The following FBXO42 variants were observed in gnomAD, a reference collection of about 807,000 sequenced individuals.
FBXO42 encodes F-box protein 42.
In FBXO42, 12 loss-of-function variants were observed where a neutral mutation model predicts 71.7. The ratio of observed to expected loss-of-function variants is 0.17; its 90% confidence interval spans 0.11 to 0.27. The LOEUF is 0.27. Among genes scored for constraint, FBXO42 ranks in the 10% least tolerant of loss-of-function variants. FBXO42 has a pLI of 1.00. For synonymous variants in FBXO42, 325 were observed against 327.5 expected (o/e 0.99, Z 0.08); for missense variants, 707 against 911.9 (o/e 0.78, Z 2.89).
chr1:16,315,150 T>G lies in FBXO42; in HGVS notation c.250+19A>C, dbSNP rs749703006. 1.0e-5 allele frequency: 16 copies of G among 1,574,832 alleles called. 1 individual carries two copies. Among genetic ancestry groups the G allele is most frequent in the South Asian group, 9.3e-5 (8 of 85,690 alleles). On this transcript the variant is annotated intron_variant, in intron 2 of 9. Transcript: ENST00000375592. ...GAAATTTGAAATCAATAAATAAACC[T>G]TTCTCCTATCCACAGTACCTTTGAT...
At chr1:16,280,252 T>C (rs138756139) in intron 4 of FBXO42, among the ~76,000 whole-genome samples, 1 of 152,158 alleles carries the variant, frequency 6.6e-6, no homozygotes, top group Non-Finnish European at 1.5e-5. Flanking sequence ...AACATCCAAG[T>C]TGAAGAGTGG....
intron 1 of FBXO42, among the ~76,000 whole-genome samples, chr1:16,350,471 G>A (rs2082688061): frequency 6.6e-6 from 1 of 150,906 alleles, no homozygotes; most frequent in Non-Finnish European, 1.5e-5. Flanking sequence ...AGGAGGCTGG[G>A]CACGGTGGCT....
chr1:16,315,185 C>T lies in FBXO42; in HGVS notation c.234G>A (p.Trp78Ter), dbSNP rs760838748. The change falls in exon 2 of 10, where the codon TGG becomes TGA. Residue 78 changes from tryptophan (W) to a stop codon, truncating the protein, a stop_gained. Coordinates refer to ENST00000375592, the MANE Select transcript of FBXO42 (RefSeq NM_018994.3). LOFTEE classifies it high-confidence loss of function. ...CCACAGTACCTTTGATAAGTCGATA[C>T]CACTGTTTGCAGACAAGGGCCGCAG... ...HKTAALVCKQ[W>*]YRLIKGVAHQ... 1 of 1,613,460 alleles carries T rather than the reference C, an allele frequency of 6.2e-7. No homozygotes were observed. The highest frequency in any genetic ancestry group is 1.7e-5 in the Admixed American group (1 of 59,960).
At chr1:16,324,032 C>T (rs1465010816) in intron 1 of FBXO42, among the ~76,000 whole-genome samples, 2 of 152,012 alleles carry the variant, frequency 1.3e-5, no homozygotes, top group African/African-American at 4.8e-5. Context: ...TGAAAATATA[C>T]TGTTGAATGA....
chr1:16,347,992 CA>C (rs541561756), intron 1 of FBXO42, among the ~76,000 whole-genome samples: 13,692 of 67,604 alleles, frequency 0.2, 466 homozygotes, highest in Non-Finnish European at 0.22. Flanking sequence ...GACTCCGTCT[CA>C]AAAAAAAAAA....
chr1:16,330,289 G>A (rs2082488438), intron 1 of FBXO42, among the ~76,000 whole-genome samples: 1 of 152,152 alleles, frequency 6.6e-6, no homozygotes, highest in African/African-American at 2.4e-5. Context: ...GAGACGCCAA[G>A]ATGAGAGGAT....
At chr1:16,284,484 C>T (rs2081999991) in intron 4 of FBXO42, among the ~76,000 whole-genome samples, 1 of 152,164 alleles carries the variant, frequency 6.6e-6, no homozygotes, top group Non-Finnish European at 1.5e-5. Flanking sequence ...ATCAACTTCT[C>T]CCCTCAGGAA....
chr1:16,340,155 G>A (rs1328209225), intron 1 of FBXO42, among the ~76,000 whole-genome samples: 1 of 150,864 alleles, frequency 6.6e-6, no homozygotes, highest in Non-Finnish European at 1.5e-5. Flanking sequence ...CAGTCTGGGC[G>A]ACAGAGCAAG....
At chr1:16,279,326 A>G (rs571406287) in intron 4 of FBXO42, among the ~76,000 whole-genome samples, 1 of 152,128 alleles carries the variant, frequency 6.6e-6, no homozygotes, top group African/African-American at 2.4e-5. Flanking sequence ...GAAAGAAGGG[A>G]GGCTGAGGCA....
intron 6 of FBXO42, 139 bp downstream of exon 6, chr1:16,255,572 T>C (rs555792912): frequency 6.3e-6 from 4 of 635,086 alleles, no homozygotes; most frequent in African/African-American, 5.5e-5. Flanking sequence ...TGACCTCAGG[T>C]GATCCACCCA....
chr1:16,321,366 C>G (rs971060885), intron 1 of FBXO42, among the ~76,000 whole-genome samples: 4 of 152,148 alleles, frequency 2.6e-5, no homozygotes, highest in African/African-American at 9.7e-5. Context: ...CTCATATTCC[C>G]CCAAGGATAT....
rs548549643 is a variant in FBXO42, at chr1:16,289,906, C to T, written c.502+4877G>A. Among the ~76,000 whole-genome samples, 9 of 152,190 alleles carry T rather than the reference C, an allele frequency of 5.9e-5. No individual in the cohort carries two copies. In the South Asian group the frequency reaches 1.9e-3, roughly 32 times the overall value. ...CTCCAGCCTGGATGACAGAGTAAGA[C>T]CTTGTCTCAAAAAAAGGAGCTCTCC... On this transcript the variant is annotated intron_variant, in intron 4 of 9. Coordinates refer to ENST00000375592, the MANE Select transcript of FBXO42 (RefSeq NM_018994.3).
intron 1 of FBXO42, among the ~76,000 whole-genome samples, chr1:16,343,677 G>T (rs2082627752): frequency 6.6e-6 from 1 of 152,072 alleles, no homozygotes; most frequent in African/African-American, 2.4e-5. Flanking sequence ...CAAAAAATTA[G>T]CCAGGCGTGG....
At chr1:16,295,503 G>A (rs1162828385) in intron 3 of FBXO42, among the ~76,000 whole-genome samples, 1 of 151,952 alleles carries the variant, frequency 6.6e-6, no homozygotes, top group East Asian at 1.9e-4. Flanking sequence ...CGATTCTCCT[G>A]CCTCAGCCTC....
At chr1:16,337,916 A>AAAAAAAAAAAAAAAAC (rs2082567070) in intron 1 of FBXO42, among the ~76,000 whole-genome samples, 1 of 132,320 alleles carries the variant, frequency 7.6e-6, no homozygotes, top group Non-Finnish European at 1.6e-5. Flanking sequence ...AAAAAAAAAA[A>AAAAAAAAAAAAAAAAC]GAATAATAGG....
rs2081587192 is a variant in FBXO42, at chr1:16,251,158, G to A, written c.1666C>T (p.Leu556=). Residue 556 remains leucine, a synonymous_variant, in exon 10 of 10, where the codon CTG becomes TTG. Coordinates refer to ENST00000375592, the MANE Select transcript of FBXO42 (RefSeq NM_018994.3). The surrounding 1 kb of genome is among the most constrained non-coding windows in gnomAD (Gnocchi z 4.5). Reference sequence around the variant, plus strand: ...TTGATGGCTTCCAGACTCCGACGCAGGGCACCTGGGGAGACGGCCCCTGCA... The same window carrying A: ...TTGATGGCTTCCAGACTCCGACGCAAGGCACCTGGGGAGACGGCCCCTGCA... ...ALAGAVSPGA[L]RRSLEAIKAM... 1.9e-6 allele frequency: 3 copies of A among 1,614,168 alleles called. No individual in the cohort carries two copies. Among genetic ancestry groups the A allele is most frequent in the Non-Finnish European group, 2.5e-6 (3 of 1,180,048 alleles).
chr1:16,345,982 G>C (rs2082651728), intron 1 of FBXO42, among the ~76,000 whole-genome samples: 1 of 152,158 alleles, frequency 6.6e-6, no homozygotes, highest in Non-Finnish European at 1.5e-5. Flanking sequence ...GACCAAAGGT[G>C]ACATATCAGA....
chr1:16,250,101 A>G lies in FBXO42; in HGVS notation c.*569T>C, dbSNP rs970111970. The G allele has an allele frequency of 3.1e-4, 47 of 152,376 alleles. No individual in the cohort carries two copies. The highest frequency in any genetic ancestry group is 1.0e-3 in the African/African-American group (43 of 41,594). 9.4% of individuals were successfully genotyped at this position (152,376 alleles called of 1,614,324 possible). A position where few individuals can be genotyped will look rare whatever the true frequency, so the allele number is the denominator to read the frequency against. On this transcript the variant is annotated 3_prime_UTR_variant, in exon 10 of 10. Coordinates refer to ENST00000375592, the MANE Select transcript of FBXO42 (RefSeq NM_018994.3). This position sits in a 1 kb window ranked among gnomAD's most constrained non-coding sequence, Gnocchi z 4.7. ...CTTTGTTGGGTAACTTTCCTCAGCCATAAAAGGCAAGAGGGGGCCAGGCAC... is the reference window on the plus strand; with the variant it reads ...CTTTGTTGGGTAACTTTCCTCAGCCGTAAAAGGCAAGAGGGGGCCAGGCAC...
intron 1 of FBXO42, among the ~76,000 whole-genome samples, chr1:16,335,125 A>G (rs1273181202): frequency 6.6e-6 from 1 of 151,700 alleles, no homozygotes; most frequent in Non-Finnish European, 1.5e-5. Context: ...CTCAAAAAAA[A>G]GAGAAAAGAA....
Sources: gnomAD v4.1 joint callset for allele counts (sites outside exome capture counted in the v4.1 genomes callset) on GRCh38, gnomAD v4.1.1 for gene constraint, Gnocchi (gnomAD v3.1) non-coding constraint, MANE v1.5 for transcripts, NCBI Gene and HGNC (gene_info 2026-07-23, HGNC 2026-07-21) for gene names.